Variants in MYO3B observed in about 807,000 individuals in gnomAD.
The protein encoded by MYO3B is myosin-IIIb.
MYO3B carries 156 observed loss-of-function variants against 174.6 expected under a neutral mutation model. That is an observed-to-expected ratio of 0.89 (90% CI 0.78 to 1.02). The LOEUF (loss-of-function observed/expected upper bound fraction) is 1.02. Among genes scored for constraint, MYO3B ranks in the 50% least tolerant of loss-of-function variants. The pLI is 0.00. For synonymous variants in MYO3B, 563 were observed against 569.1 expected (o/e 0.99, Z 0.15); for missense variants, 1,632 against 1,639.4 (o/e 1.00, Z 0.08).
At chr2:170,585,604 A>G (rs1380650882) in intron 32 of MYO3B, among the ~76,000 whole-genome samples, 1 of 152,116 alleles carries the variant, frequency 6.6e-6, no homozygotes, top group South Asian at 2.1e-4. Flanking sequence ...GATCTGTGAG[A>G]TGATCAGCTA....
At chr2:170,474,148 A>G (rs1300082166) in intron 25 of MYO3B, among the ~76,000 whole-genome samples, 1 of 138,552 alleles carries the variant, frequency 7.2e-6, no homozygotes, top group African/African-American at 2.6e-5. Context: ...AGTTTCTGAT[A>G]AGGAGCCAGG....
chr2:170,652,081 A>G, intron 33 of MYO3B, 27 bp from the exon 34 acceptor site: 1 of 1,603,674 alleles, frequency 6.2e-7, no homozygotes, highest in South Asian at 1.1e-5. Context: ...CTTTGCTTTG[A>G]CTGTGTGTTC....
At position 170,178,239 on chromosome 2, in the gene MYO3B, G is replaced by C. The variant is rs1231075837; in HGVS notation, c.-49G>C. ...TGAAGTGTTCTGCTGGTTTTTGGAGGAATGAGAATCCAATCTCTCATAAGC... is the reference window on the plus strand; with the variant it reads ...TGAAGTGTTCTGCTGGTTTTTGGAGCAATGAGAATCCAATCTCTCATAAGC... On this transcript the variant is annotated 5_prime_UTR_variant, in exon 1 of 35. Transcript: ENST00000408978. 6.2e-7 allele frequency: 1 copy of C among 1,612,980 alleles called. No homozygotes were observed. The highest frequency in any genetic ancestry group is 1.7e-5 in the Admixed American group (1 of 59,998).
chr2:170,535,664 G>A (rs1247159543), intron 30 of MYO3B, among the ~76,000 whole-genome samples: 1 of 152,202 alleles, frequency 6.6e-6, no homozygotes, highest in African/African-American at 2.4e-5. Context: ...TTCCTGGTCT[G>A]TGAATTGGGA....
chr2:170,355,630 A>G (rs1378011055), intron 8 of MYO3B, among the ~76,000 whole-genome samples: 3 of 152,122 alleles, frequency 2.0e-5, no homozygotes, highest in Admixed American at 6.5e-5. Context: ...CCCAACTCAC[A>G]TTGTTGGGAT....
chr2:170,531,271 A>G lies in MYO3B; in HGVS notation c.3576-11635A>G, dbSNP rs187117666. Among the ~76,000 whole-genome samples the G allele has an allele frequency of 5.5e-4, 84 of 152,316 alleles. 2 individuals carry two copies. In the Middle Eastern group the frequency reaches 0.01, roughly 19 times the overall value. Reference sequence around the variant, plus strand: ...TTCAGATTTCTCTGTAGGTCCTGGAAAAAGTGTCTAGCTACCCTCAGGAAT... The same window carrying G: ...TTCAGATTTCTCTGTAGGTCCTGGAGAAAGTGTCTAGCTACCCTCAGGAAT... On this transcript the variant is annotated intron_variant, in intron 30 of 34. Transcript: ENST00000408978.
chr2:170,208,700 A>G lies in MYO3B; in HGVS notation c.322-5679A>G, dbSNP rs147221476. The stretch of plus-strand genomic sequence containing the variant: ...ACAAATGTATGGTAAGTTTTAAAAC[A>G]TAATTTCTCTATCTCCAGTCCCTCA... On this transcript the variant is annotated intron_variant, in intron 3 of 34. Coordinates refer to ENST00000408978, the MANE Select transcript of MYO3B (RefSeq NM_138995.5). 3.6e-3 allele frequency among the ~76,000 whole-genome samples: 542 copies of G among 152,326 alleles called. 2 individuals are homozygous for G. The highest frequency in any genetic ancestry group is 0.02 in the Middle Eastern group (6 of 294).
At chr2:170,254,170 C>G (rs187221896) in intron 7 of MYO3B, among the ~76,000 whole-genome samples, 1 of 152,036 alleles carries the variant, frequency 6.6e-6, no homozygotes, top group African/African-American at 2.4e-5. Context: ...ACTACACTCC[C>G]GCCACAAACT....
chr2:170,468,095 C>A (rs1684758487), intron 25 of MYO3B, among the ~76,000 whole-genome samples: 1 of 152,128 alleles, frequency 6.6e-6, no homozygotes, highest in South Asian at 2.1e-4. Context: ...ACAGGAGTTT[C>A]AAAATGCCAG....
rs1034613264 is a variant in MYO3B at position 170,192,724 on chromosome 2, T to G, written c.3-6484T>G. Among the ~76,000 whole-genome samples, 7 of 151,580 alleles carry G rather than the reference T, an allele frequency of 4.6e-5. No homozygotes were observed. The South Asian group carries it at 8.3e-4, about 18-fold the overall frequency. On this transcript the variant is annotated intron_variant, in intron 1 of 34. Coordinates refer to ENST00000408978, the MANE Select transcript of MYO3B (RefSeq NM_138995.5). ...TTGTTTTTCAGCCCAGCTTCTTAAG[T>G]TTTTTGCTTGATAGTATCCTCAATA...
At chr2:170,443,758 T>C (rs1053647191) in intron 22 of MYO3B, among the ~76,000 whole-genome samples, 1 of 116,756 alleles carries the variant, frequency 8.6e-6, no homozygotes, top group African/African-American at 2.9e-5. Flanking sequence ...AAATTCAATT[T>C]ATAAGTTACA....
chr2:170,629,066 T>A (rs1477819387), intron 32 of MYO3B, among the ~76,000 whole-genome samples: 1 of 152,234 alleles, frequency 6.6e-6, no homozygotes, highest in Non-Finnish European at 1.5e-5. Context: ...CAGTGTTCTG[T>A]CTCTGGGACT....
At chr2:170,378,291 C>T (rs2094309147) in intron 9 of MYO3B, among the ~76,000 whole-genome samples, 1 of 152,140 alleles carries the variant, frequency 6.6e-6, no homozygotes, top group African/African-American at 2.4e-5. Context: ...TTCCAAAGAA[C>T]ACTAGTTGTG....
intron 25 of MYO3B, among the ~76,000 whole-genome samples, chr2:170,488,471 TA>T (rs936680215): frequency 6.6e-6 from 1 of 151,088 alleles, no homozygotes; most frequent in African/African-American, 2.4e-5. Flanking sequence ...TTTCCCTTGT[TA>T]AAAAAAAATG....
chr2:170,374,754 TACATAC>T (rs1230930419), intron 9 of MYO3B, among the ~76,000 whole-genome samples: 4 of 97,418 alleles, frequency 4.1e-5, no homozygotes, highest in African/African-American at 1.1e-4. Flanking sequence ...TATATATGCA[TACATAC>T]ACACACACAC....
At chr2:170,344,201 C>G (rs1005585683) in intron 8 of MYO3B, 3 of 152,378 alleles carry the variant, frequency 2.0e-5, no homozygotes, top group Admixed American at 2.0e-4. Context: ...GGCACGGTGG[C>G]TCATGCCTGT....
chr2:170,426,538 A>G (rs1338859568), intron 22 of MYO3B, among the ~76,000 whole-genome samples: 1 of 151,468 alleles, frequency 6.6e-6, no homozygotes, highest in Non-Finnish European at 1.5e-5. Context: ...GGGTTTCACC[A>G]TGTTAGCCAG....
chr2:170,366,286 CT>C (rs1002249562), intron 8 of MYO3B, among the ~76,000 whole-genome samples: 3 of 151,840 alleles, frequency 2.0e-5, no homozygotes, highest in South Asian at 2.1e-4. Flanking sequence ...TAAGAAAGCA[CT>C]TTTTTTTGTT....
rs1035598661 is a variant in MYO3B at position 170,612,405 on chromosome 2, A to G, written c.3734-39223A>G. 3.3e-5 allele frequency among the ~76,000 whole-genome samples: 5 copies of G among 152,138 alleles called. No individual in the cohort carries two copies. The South Asian group carries it at 8.3e-4, about 25-fold the overall frequency. Reference sequence around the variant, plus strand: ...ACCTATGATTCCTTTTTTTGTGTAAATAACCTCTATCACTTTCTAACATTC... The same window carrying G: ...ACCTATGATTCCTTTTTTTGTGTAAGTAACCTCTATCACTTTCTAACATTC... On this transcript the variant is annotated intron_variant, in intron 32 of 34. Transcript: ENST00000408978.
Sources: allele counts gnomAD v4.1 joint callset (sites outside exome capture counted in the v4.1 genomes callset), GRCh38; gene constraint gnomAD v4.1.1; transcripts MANE v1.5; gene names NCBI Gene and HGNC (gene_info 2026-07-23, HGNC 2026-07-21).